VWA7: variants seen among roughly 807,000 people sequenced by gnomAD.
VWA7 encodes von Willebrand factor A domain-containing protein 7.
VWA7 carries 66 observed loss-of-function variants against 83.1 expected under a neutral mutation model. The observed-to-expected ratio is 0.79, with a 90% CI of 0.65 to 0.98. The LOEUF is 0.98. Ranked by LOEUF, VWA7 falls within the 50% of genes least tolerant of loss-of-function variation. The pLI is 0.00. For synonymous variants in VWA7, 424 were observed against 488.5 expected (o/e 0.87, Z 1.74); for missense variants, 1,080 against 1,160.2 (o/e 0.93, Z 1.00).
chr6:31,774,108 C>G (rs373698528), intron 5 of VWA7, among the ~76,000 whole-genome samples: 31 of 141,380 alleles, frequency 2.2e-4, no homozygotes, highest in African/African-American at 8.3e-4. Context: ...GAGCCGAGAT[C>G]GTGCCACTGT....
Position 31,774,623 on chromosome 6 carries a change from G to A in VWA7, c.614C>T (p.Ala205Val), listed in dbSNP as rs1273486065. 6.2e-7 allele frequency: 1 copy of A among 1,611,412 alleles called. No individual in the cohort carries two copies. Among genetic ancestry groups the A allele is most frequent in the East Asian group, 2.2e-5 (1 of 44,756 alleles). The change falls in exon 5 of 17, where the codon GCC (alanine) becomes GTC (valine). Residue 205 changes from alanine (A) to valine (V), a missense_variant. Physicochemically the swap from Ala to Val is moderately conservative, Grantham distance 64. Coordinates refer to ENST00000375688, the MANE Select transcript of VWA7 (RefSeq NM_025258.3). ...RQELQNLAQV[A>V]DPTCSDCEEL... ...CTCGCAATCGGAGCAGGTAGGATCG[G>A]CCACTGGGAAGAGAGGGCAGGGCTA...
In VWA7 at chr6:31,769,808, C is replaced by T. The variant is rs1186151539; in HGVS notation, c.1201-17G>A. On this transcript the variant is annotated splice_polypyrimidine_tract_variant and intron_variant, in intron 8 of 16. Coordinates refer to ENST00000375688, the MANE Select transcript of VWA7 (RefSeq NM_025258.3). The surrounding 1 kb of genome is among the most constrained non-coding windows in gnomAD (Gnocchi z 4.5). ...CAGGGCCAGCTGGCAGGGAAGGCAACGACCAGTGTTAACAATGGCAGTAGG... is the reference window on the plus strand; with the variant it reads ...CAGGGCCAGCTGGCAGGGAAGGCAATGACCAGTGTTAACAATGGCAGTAGG... The T allele has an allele frequency of 3.1e-6, 5 of 1,607,990 alleles. No homozygotes were observed. Among genetic ancestry groups the T allele is most frequent in the African/African-American group, 1.3e-5 (1 of 74,792 alleles).
At position 31,766,229 on chromosome 6, in the gene VWA7, G is replaced by T. The variant is rs895597040; in HGVS notation, c.2324+16C>A. On this transcript the variant is annotated intron_variant, in intron 15 of 16. Transcript: ENST00000375688. This position sits in a 1 kb window ranked among gnomAD's most constrained non-coding sequence, Gnocchi z 4.9. ...GGCAAGATGCCAGAGGGAGCTGGAG[G>T]GTTCATGAGCCTCACCTGGAGAGGT... The T allele has an allele frequency of 6.2e-7, 1 of 1,611,460 alleles. No homozygotes were observed. The highest frequency in any genetic ancestry group is 2.2e-5 in the East Asian group (1 of 44,874).
rs374700027 is a variant in VWA7, at chr6:31,776,873, A to C, written c.-15-79T>G. 4,879 of 804,050 alleles carry C rather than the reference A, an allele frequency of 6.1e-3. 198 individuals are homozygous for C. The South Asian group carries it at 0.079, about 13-fold the overall frequency. 49.8% of individuals were successfully genotyped at this position (804,050 alleles called of 1,614,324 possible). On this transcript the variant is annotated intron_variant, in intron 1 of 16. Transcript: ENST00000375688. This position sits in a 1 kb window ranked among gnomAD's most constrained non-coding sequence, Gnocchi z 6.2. ...GGCCGGCTCTGCGGGTCTCCATGGG[A>C]ACCTGCTTTACCTCAAAAGTCGTGT...
intron 11 of VWA7, 38 bp downstream of exon 11, chr6:31,767,584 T>TG: frequency 6.3e-7 from 1 of 1,599,924 alleles, no homozygotes; most frequent in African/African-American, 1.3e-5. Context: ...GATTGTCTAT[T>TG]CCCCGGTCCC....
In VWA7 at chr6:31,773,158, G is replaced by C. The variant is rs1194296558; in HGVS notation, c.918-35C>G. On this transcript the variant is annotated intron_variant, in intron 6 of 16. Coordinates refer to ENST00000375688, the MANE Select transcript of VWA7 (RefSeq NM_025258.3). The surrounding 1 kb of genome is among the most constrained non-coding windows in gnomAD (Gnocchi z 5.3). ...AAGCCAGAGACACAGTGAAGGGCCT[G>C]CACGTTTGTCCCCAGCGCCTGGTTT... 1 of 1,601,732 alleles carries C rather than the reference G, an allele frequency of 6.2e-7. No individual in the cohort carries two copies. The highest frequency in any genetic ancestry group is 8.5e-7 in the Non-Finnish European group (1 of 1,174,830).
Position 31,766,460 on chromosome 6 carries a change from C to A in VWA7, c.2184+3G>T. The A allele has an allele frequency of 6.3e-7, 1 of 1,589,382 alleles. No homozygotes were observed. On this transcript the variant is annotated splice_donor_region_variant and intron_variant, in intron 14 of 16. Coordinates refer to ENST00000375688, the MANE Select transcript of VWA7 (RefSeq NM_025258.3). This position sits in a 1 kb window ranked among gnomAD's most constrained non-coding sequence, Gnocchi z 4.9. ...CCAGCCGCACTTTCCCCTGGCGTCTCACCTCCAGAAGGACAGGGACTACAG... is the reference window on the plus strand; with the variant it reads ...CCAGCCGCACTTTCCCCTGGCGTCTAACCTCCAGAAGGACAGGGACTACAG...
At position 31,776,679 on chromosome 6, in the gene VWA7, C is replaced by G; in HGVS notation, c.101G>C (p.Trp34Ser). The G allele has an allele frequency of 6.5e-7, 1 of 1,531,392 alleles. No individual in the cohort carries two copies. Among genetic ancestry groups the G allele is most frequent in the East Asian group, 2.5e-5 (1 of 40,340 alleles). The allele number at this position is 1,531,392 out of a possible 1,614,324, so 94.9% of individuals were successfully genotyped here. A position where few individuals can be genotyped will look rare whatever the true frequency, so the allele number is the denominator to read the frequency against. Residue 34 changes from tryptophan to serine, a missense_variant, in exon 2 of 17, where the codon TGG (tryptophan) becomes TCG (serine). Trp to Ser is a radical substitution (Grantham distance 177). Transcript: ENST00000375688. This position sits in a 1 kb window ranked among gnomAD's most constrained non-coding sequence, Gnocchi z 6.2. ...GGAGCCAGGGGCAGCCAGCAGGCTCCAGATGTTGGGGAAGAAGGCAGATGT... is the reference window on the plus strand; with the variant it reads ...GGAGCCAGGGGCAGCCAGCAGGCTCGAGATGTTGGGGAAGAAGGCAGATGT... The part of the protein sequence containing the change: ...PPTSAFFPNI[W>S]SLLAAPGSIT...
Position 31,766,357 on chromosome 6 carries a change from G to A in VWA7, c.2212C>T (p.Pro738Ser), listed in dbSNP as rs1425452008. ...AGACTGAGCGGGACTTTGCTGCCCGGGGCCAAGAAACCCGAGGGGCCACTA... is the reference window on the plus strand; with the variant it reads ...AGACTGAGCGGGACTTTGCTGCCCGAGGCCAAGAAACCCGAGGGGCCACTA... Reference protein sequence around the residue: ...ELSGPSGFLAPGSKVPLSLRI... With the variant: ...ELSGPSGFLASGSKVPLSLRI... Residue 738 changes from proline (P) to serine (S), a missense_variant, in exon 15 of 17, where the codon CCG becomes TCG. Coordinates refer to ENST00000375688, the MANE Select transcript of VWA7 (RefSeq NM_025258.3). This position sits in a 1 kb window ranked among gnomAD's most constrained non-coding sequence, Gnocchi z 4.9. 6.2e-7 allele frequency: 1 copy of A among 1,605,222 alleles called. No homozygotes were observed. The highest frequency in any genetic ancestry group is 1.7e-5 in the Admixed American group (1 of 57,844).
Position 31,767,425 on chromosome 6 carries a change from G to C in VWA7, c.1726C>G (p.Pro576Ala), listed in dbSNP as rs1328399856. The change falls in exon 12 of 17, where the codon CCA (proline) becomes GCA (alanine). Residue 576 changes from proline to alanine, a missense_variant. By Grantham distance (27) the Pro-to-Ala change is conservative. Transcript: ENST00000375688. ...QFWMVTMDDP[P>A]QTGTWEIQVT... ...TGGATCTCCCAGGTTCCTGTCTGTG[G>C]AGGGTCATCCATGGTCACCATCCAG... 8 of 1,612,972 alleles carry C rather than the reference G, an allele frequency of 5.0e-6. No individual in the cohort carries two copies. Among genetic ancestry groups the C allele is most frequent in the Non-Finnish European group, 6.8e-6 (8 of 1,179,970 alleles).
chr6:31,776,813 T>C lies in VWA7; in HGVS notation c.-15-19A>G. The C allele has an allele frequency of 1.5e-6, 2 of 1,303,122 alleles. No individual in the cohort carries two copies. Among genetic ancestry groups the C allele is most frequent in the South Asian group, 3.7e-5 (2 of 53,660 alleles). 80.7% of individuals were successfully genotyped at this position (1,303,122 alleles called of 1,614,324 possible). On this transcript the variant is annotated intron_variant, in intron 1 of 16. Transcript: ENST00000375688. This position sits in a 1 kb window ranked among gnomAD's most constrained non-coding sequence, Gnocchi z 6.2. The stretch of plus-strand genomic sequence containing the variant: ...CATGGACCTGGGAGACAGAAGGCTC[T>C]CAAGGGAGGAGGAAGCAGCCGCGAT...
intron 7 of VWA7, chr6:31,771,676 T>A (rs56230039): frequency 6.6e-6 from 1 of 152,104 alleles, no homozygotes; most frequent in African/African-American, 2.4e-5. Flanking sequence ...GATACCAATC[T>A]CTGTCTATAG....
chr6:31,775,385 C>G lies in VWA7; in HGVS notation c.558G>C (p.Gln186His), dbSNP rs1812584577. 6.2e-7 allele frequency: 1 copy of G among 1,612,620 alleles called. No homozygotes were observed. Residue 186 changes from glutamine (Q) to histidine (H), a missense_variant, in exon 4 of 17, where the codon CAG (glutamine) becomes CAC (histidine). By Grantham distance (24) the Gln-to-His change is conservative (BLOSUM62 0). Coordinates refer to ENST00000375688, the MANE Select transcript of VWA7 (RefSeq NM_025258.3). The surrounding 1 kb of genome is among the most constrained non-coding windows in gnomAD (Gnocchi z 5.9). ...TTGGCCAGAGGAGGTGAGGGTGTGGCTGCTGCTCGCCCAGCTCCACCCAGT... is the reference window on the plus strand; with the variant it reads ...TTGGCCAGAGGAGGTGAGGGTGTGGGTGCTGCTCGCCCAGCTCCACCCAGT... ...HSNWVELGEQ[Q>H]PHPHLLWPRQ...
chr6:31,770,688 T>C (rs939874810), intron 7 of VWA7, among the ~76,000 whole-genome samples: 1 of 150,590 alleles, frequency 6.6e-6, no homozygotes, highest in Non-Finnish European at 1.5e-5. Flanking sequence ...AAAAAAATGG[T>C]GGCATTTCCT....
At position 31,769,822 on chromosome 6, in the gene VWA7, A is replaced by G. The variant is rs755570662; in HGVS notation, c.1201-31T>C. On this transcript the variant is annotated intron_variant, in intron 8 of 16. Coordinates refer to ENST00000375688, the MANE Select transcript of VWA7 (RefSeq NM_025258.3). The surrounding 1 kb of genome is among the most constrained non-coding windows in gnomAD (Gnocchi z 4.5). ...AGGGAAGGCAACGACCAGTGTTAAC[A>G]ATGGCAGTAGGAGGGGAATGGGTAG... The G allele has an allele frequency of 6.3e-7, 1 of 1,598,428 alleles. No homozygotes were observed. The highest frequency in any genetic ancestry group is 8.6e-7 in the Non-Finnish European group (1 of 1,166,894).
In VWA7 at chr6:31,773,341, T is replaced by C. The variant is rs758436942; in HGVS notation, c.818A>G (p.His273Arg). ...KDSTSPGFSP[H>R]HMLHLQAAKL... ...TGCAGCCTGGAGGTGCAGCATGTGG[T>C]GAGGGGAGAAGCCTGGGGATGTGCT... Residue 273 changes from histidine to arginine, a missense_variant, in exon 6 of 17, where the codon CAC becomes CGC. By Grantham distance (29) the His-to-Arg change is conservative. Transcript: ENST00000375688. The surrounding 1 kb of genome is among the most constrained non-coding windows in gnomAD (Gnocchi z 5.3). 5 of 1,608,332 alleles carry C rather than the reference T, an allele frequency of 3.1e-6. No individual in the cohort carries two copies. Among genetic ancestry groups the C allele is most frequent in the Non-Finnish European group, 4.2e-6 (5 of 1,177,608 alleles).
Position 31,766,545 on chromosome 6 carries a change from T to C in VWA7, c.2102A>G (p.Glu701Gly). The C allele has an allele frequency of 6.2e-7, 1 of 1,612,698 alleles. No homozygotes were observed. Among genetic ancestry groups the C allele is most frequent in the Non-Finnish European group, 8.5e-7 (1 of 1,179,918 alleles). ...CCCCGCTGCGTCCTGGCCAATCAGC[T>C]CCAGGGAGAAGGGTCTAGGGGTGGA... ...LLSTPRPFSL[E>G]LIGQDAAGRR... is the part of the protein sequence containing the mutation. Residue 701 changes from glutamate to glycine, a missense_variant, in exon 14 of 17, where the codon GAG becomes GGG. Glu to Gly is a moderately conservative substitution (Grantham distance 98). Coordinates refer to ENST00000375688, the MANE Select transcript of VWA7 (RefSeq NM_025258.3). The surrounding 1 kb of genome is among the most constrained non-coding windows in gnomAD (Gnocchi z 4.9).
rs1171323123 is a variant in VWA7, at chr6:31,766,145, A to G, written c.2325-88T>C. On this transcript the variant is annotated intron_variant, in intron 15 of 16. Coordinates refer to ENST00000375688, the MANE Select transcript of VWA7 (RefSeq NM_025258.3). The surrounding 1 kb of genome is among the most constrained non-coding windows in gnomAD (Gnocchi z 4.9). ...CTGCAGGGGCACGGGAGCGGAGAGG[A>G]GGATTCTGAGGGCCAGTCGGAGGGG... 1 of 1,593,254 alleles carries G rather than the reference A, an allele frequency of 6.3e-7. No individual in the cohort carries two copies. Among genetic ancestry groups the G allele is most frequent in the Non-Finnish European group, 8.6e-7 (1 of 1,168,690 alleles).
chr6:31,776,801 G>C lies in VWA7; in HGVS notation c.-15-7C>G. 7.4e-7 allele frequency: 1 copy of C among 1,347,286 alleles called. No individual in the cohort carries two copies. Among genetic ancestry groups the C allele is most frequent in the Non-Finnish European group, 9.7e-7 (1 of 1,030,122 alleles). 83.5% of individuals were successfully genotyped at this position (1,347,286 alleles called of 1,614,324 possible). ...GCATGGCTGAGACATGGACCTGGGA[G>C]ACAGAAGGCTCTCAAGGGAGGAGGA... On this transcript the variant is annotated splice_region_variant and splice_polypyrimidine_tract_variant and intron_variant, in intron 1 of 16. Coordinates refer to ENST00000375688, the MANE Select transcript of VWA7 (RefSeq NM_025258.3). This position sits in a 1 kb window ranked among gnomAD's most constrained non-coding sequence, Gnocchi z 6.2.
Sources: allele counts gnomAD v4.1 joint callset (sites outside exome capture counted in the v4.1 genomes callset), GRCh38; gene constraint gnomAD v4.1.1; non-coding constraint Gnocchi (gnomAD v3.1); transcripts MANE v1.5; gene names NCBI Gene and HGNC (gene_info 2026-07-23, HGNC 2026-07-21).